The following NDUFAF6 variants were observed in gnomAD, a reference collection of about 807,000 sequenced individuals.
The protein encoded by NDUFAF6 is NADH dehydrogenase (ubiquinone) complex I, assembly factor 6.
NDUFAF6 carries 45 observed loss-of-function variants against 40.8 expected under a neutral mutation model. The observed-to-expected ratio is 1.10, with a 90% CI of 0.87 to 1.42. The LOEUF is 1.42. Ranked by LOEUF, NDUFAF6 falls within the 40% of genes most tolerant of loss-of-function variation. The pLI, the probability that NDUFAF6 is intolerant of heterozygous loss-of-function variation, is 0.00. For synonymous variants in NDUFAF6, 185 were observed against 155.9 expected, an observed-to-expected ratio of 1.19 and a Z score of -1.39; for missense variants, 435 against 418.5, an observed-to-expected ratio of 1.04 and a Z score of -0.34.
At chr8:94,992,047 G>A (rs185993833) in intron 2 of NDUFAF6, among the ~76,000 whole-genome samples, 2 of 152,280 alleles carry the variant, frequency 1.3e-5, no homozygotes, top group East Asian at 3.9e-4. Flanking sequence ...GTTGTAATTT[G>A]ATGGCTTTTG....
chr8:94,999,159 C>T (rs1461097505), intron 2 of NDUFAF6, among the ~76,000 whole-genome samples: 1 of 147,420 alleles, frequency 6.8e-6, no homozygotes, highest in East Asian at 2.0e-4. Context: ...GAGTCTCACT[C>T]TGTCACCAGG....
chr8:95,116,670 G>A (rs1394750404), downstream of NDUFAF6, among the ~76,000 whole-genome samples: 1 of 152,148 alleles, frequency 6.6e-6, no homozygotes, highest in Non-Finnish European at 1.5e-5. Flanking sequence ...TGAAGGCTGA[G>A]TTTAACCATA....
At chr8:95,052,067 A>G in intron 7 of NDUFAF6, 107 bp from the exon 8 acceptor site, 4 of 1,038,202 alleles carry the variant, frequency 3.9e-6, no homozygotes, top group Non-Finnish European at 6.0e-6. Context: ...GTTTTCTTGC[A>G]TTTGAGAGAG....
At position 94,994,133 on chromosome 8, in the gene NDUFAF6, C is replaced by T. The variant is rs1826312848; in HGVS notation, c.-84+13160C>T. On this transcript the variant is annotated intron_variant, in intron 2 of 9. Transcript: ENST00000396111. ...TCCATGGGAAGAATATGTTTCCCTG[C>T]CCCATTTATGTTGGGCTTGGCCATG... Among the ~76,000 whole-genome samples the T allele has an allele frequency of 2.6e-5, 4 of 152,144 alleles. No individual in the cohort carries two copies. In the South Asian group the frequency reaches 8.3e-4, roughly 32 times the overall value.
chr8:94,962,288 C>T (rs978165577), intron 1 of NDUFAF6, among the ~76,000 whole-genome samples: 1 of 152,194 alleles, frequency 6.6e-6, no homozygotes, highest in Admixed American at 6.5e-5. Context: ...GGTTTCTTAC[C>T]TCCAGACTGC....
intron 1 of NDUFAF6, among the ~76,000 whole-genome samples, chr8:94,899,691 A>G (rs1467669068): frequency 1.3e-5 from 2 of 152,154 alleles, no homozygotes; most frequent in African/African-American, 4.8e-5. Flanking sequence ...TTCCACATTC[A>G]TGCTTTATTT....
At chr8:94,984,902 G>T (rs943838368) in intron 2 of NDUFAF6, among the ~76,000 whole-genome samples, 2 of 152,188 alleles carry the variant, frequency 1.3e-5, no homozygotes, top group East Asian at 3.8e-4. Context: ...CGTAGGTTCT[G>T]TTGGCAGACA....
chr8:94,961,458 G>A (rs779800787), intron 1 of NDUFAF6, among the ~76,000 whole-genome samples: 33 of 152,198 alleles, frequency 2.2e-4, no homozygotes, highest in Non-Finnish European at 2.9e-5. Flanking sequence ...GTCTCGCTCT[G>A]TCGCCCAGGC....
intron 1 of NDUFAF6, among the ~76,000 whole-genome samples, chr8:94,904,137 G>GT (rs1471170178): frequency 7.9e-5 from 12 of 151,102 alleles, no homozygotes; most frequent in African/African-American, 2.9e-4. Context: ...TGTTTTTGTG[G>GT]TTTTTTTGTT....
chr8:95,001,447 GTGCCTCAACT>G (rs1826730956), intron 2 of NDUFAF6, among the ~76,000 whole-genome samples: 1 of 152,050 alleles, frequency 6.6e-6, no homozygotes, highest in Non-Finnish European at 1.5e-5. Context: ...TCAACCTTTG[GTGCCTCAACT>G]TGACATTGCC....
At chr8:95,005,242 C>T (rs1377666310) in intron 2 of NDUFAF6, among the ~76,000 whole-genome samples, 1 of 151,936 alleles carries the variant, frequency 6.6e-6, no homozygotes, top group Non-Finnish European at 1.5e-5. Context: ...CTGAGAGAGA[C>T]CCCCACCAAG....
At chr8:95,005,438 A>G (rs979615606) in intron 2 of NDUFAF6, among the ~76,000 whole-genome samples, 1 of 150,778 alleles carries the variant, frequency 6.6e-6, no homozygotes, top group African/African-American at 2.4e-5. Flanking sequence ...ATGGAATCCT[A>G]GAAAGTTACA....
chr8:95,005,538 TATATATATATATATAA>T (rs1331236337), intron 2 of NDUFAF6, among the ~76,000 whole-genome samples: 2 of 134,096 alleles, frequency 1.5e-5, no homozygotes, highest in African/African-American at 2.9e-5. Flanking sequence ...TATATATATA[TATATATATATATATAA>T]AAAATATATT....
chr8:95,007,758 T>A (rs1486611416), intron 2 of NDUFAF6, among the ~76,000 whole-genome samples: 1 of 150,438 alleles, frequency 6.6e-6, no homozygotes, highest in Non-Finnish European at 1.5e-5. Flanking sequence ...TAAGTCAGGG[T>A]CTCCTCTGTT....
intron 2 of NDUFAF6, chr8:94,988,656 A>G (rs1353596662): frequency 6.6e-6 from 1 of 152,232 alleles, no homozygotes; most frequent in Non-Finnish European, 1.5e-5. Flanking sequence ...ATGAACATGC[A>G]CTTTAAAATT....
rs143562695 is a variant in NDUFAF6 at position 94,995,450 on chromosome 8, G to GT, written c.-84+14478dup. ...TACACTTCAAAATGGTTAGTGTTGAGTGTTTGTAACCACAATTAAAAATAA... is the reference window on the plus strand; with the variant it reads ...TACACTTCAAAATGGTTAGTGTTGAGTTGTTTGTAACCACAATTAAAAATAA... On this transcript the variant is annotated intron_variant, in intron 2 of 9. Transcript: ENST00000396111. 6.1e-3 allele frequency among the ~76,000 whole-genome samples: 925 copies of GT among 152,244 alleles called. 7 individuals are homozygous for GT. Among genetic ancestry groups the GT allele is most frequent in the African/African-American group, 0.021 (884 of 41,548 alleles).
At chr8:95,003,774 C>G (rs1221793747) in intron 2 of NDUFAF6, among the ~76,000 whole-genome samples, 1 of 152,210 alleles carries the variant, frequency 6.6e-6, no homozygotes, top group Non-Finnish European at 1.5e-5. Context: ...AACTCTCTAG[C>G]TACTAAGTTT....
intron 9 of NDUFAF6, among the ~76,000 whole-genome samples, chr8:95,072,225 C>T (rs918172444): frequency 1.2e-4 from 19 of 152,114 alleles, no homozygotes; most frequent in African/African-American, 2.4e-4. Flanking sequence ...TGCCCTACTT[C>T]GCAGCACCCC....
intron 1 of NDUFAF6, among the ~76,000 whole-genome samples, chr8:94,944,111 C>T (rs377540671): frequency 3.9e-5 from 6 of 152,234 alleles, no homozygotes; most frequent in African/African-American, 1.4e-4. Flanking sequence ...ATTGGCCCCA[C>T]GTACAATTCT....
Sources: gnomAD v4.1 joint callset for allele counts (sites outside exome capture counted in the v4.1 genomes callset) on GRCh38, gnomAD v4.1.1 for gene constraint, MANE v1.5 for transcripts, NCBI Gene and HGNC (gene_info 2026-07-23, HGNC 2026-07-21) for gene names.